The following KIF16B variants were observed in gnomAD, a reference collection of about 807,000 sequenced individuals.
The protein encoded by KIF16B is kinesin family member 16B.
KIF16B carries 98 observed loss-of-function variants against 156.3 expected under a neutral mutation model. The ratio of observed to expected loss-of-function variants is 0.63; its 90% CI spans 0.53 to 0.74. The LOEUF (loss-of-function observed/expected upper bound fraction) is 0.74. Ranked by LOEUF, KIF16B falls within the 30% of genes least tolerant of loss-of-function variation. The pLI, the probability that KIF16B is intolerant of heterozygous loss-of-function variation, is 0.00. For synonymous variants in KIF16B, 564 were observed against 583.7 expected (o/e 0.97, Z 0.49); for missense variants, 1,421 against 1,606.5 (o/e 0.88, Z 1.97).
intron 25 of KIF16B, among the ~76,000 whole-genome samples, chr20:16,281,579 A>C (rs957026073): frequency 6.6e-6 from 1 of 152,172 alleles, no homozygotes; most frequent in African/African-American, 2.4e-5. Context: ...CTTTTTAGGA[A>C]TCCTAAAGTT....
intron 23 of KIF16B, among the ~76,000 whole-genome samples, chr20:16,339,798 G>C (rs770160974): frequency 5.3e-5 from 8 of 152,124 alleles, no homozygotes; most frequent in Non-Finnish European, 8.8e-5. Flanking sequence ...AATAGAATGA[G>C]AAAATGGCCA....
At chr20:16,370,105 C>T (rs1600224925) in intron 22 of KIF16B, among the ~76,000 whole-genome samples, 1 of 152,138 alleles carries the variant, frequency 6.6e-6, no homozygotes, top group Non-Finnish European at 1.5e-5. Context: ...AGAGACATGC[C>T]TCTCAGTGGA....
intron 25 of KIF16B, among the ~76,000 whole-genome samples, chr20:16,308,492 C>T (rs1001437617): frequency 6.6e-6 from 1 of 152,204 alleles, no homozygotes; most frequent in Non-Finnish European, 1.5e-5. Context: ...TTAGAGTATG[C>T]TGATTAAAAG....
chr20:16,272,389 C>G lies in KIF16B; in HGVS notation c.*864G>C, dbSNP rs1181869020. The G allele has an allele frequency of 6.6e-6, 1 of 152,540 alleles. No individual in the cohort carries two copies. Among genetic ancestry groups the G allele is most frequent in the African/African-American group, 2.4e-5 (1 of 41,418 alleles). 9.4% of individuals were successfully genotyped at this position (152,540 alleles called of 1,614,324 possible). On this transcript the variant is annotated 3_prime_UTR_variant, in exon 26 of 26. Coordinates refer to ENST00000354981, the MANE Select transcript of KIF16B (RefSeq NM_024704.5). ...AGTAATTTAAGGTATCATTAATAAA[C>G]TGCTATAAATTCTAGTTTTCCAGCC...
intron 17 of KIF16B, among the ~76,000 whole-genome samples, chr20:16,404,251 G>T (rs992193697): frequency 3.3e-5 from 5 of 152,088 alleles, no homozygotes; most frequent in African/African-American, 1.2e-4. Flanking sequence ...CTGTTTTTAG[G>T]CATTTTCATT....
chr20:16,542,987 C>A (rs1039209969), intron 1 of KIF16B, among the ~76,000 whole-genome samples: 2 of 152,194 alleles, frequency 1.3e-5, no homozygotes, highest in Admixed American at 1.3e-4. Context: ...AATGGAGATG[C>A]ATCCAGATGA....
intron 24 of KIF16B, among the ~76,000 whole-genome samples, chr20:16,325,085 T>A (rs979386777): frequency 2.0e-5 from 3 of 152,000 alleles, no homozygotes. Flanking sequence ...GAAAAGGGAT[T>A]TGACAAAATC....
At chr20:16,303,818 G>A (rs1321877135) in intron 25 of KIF16B, among the ~76,000 whole-genome samples, 1 of 152,192 alleles carries the variant, frequency 6.6e-6, no homozygotes, top group Non-Finnish European at 1.5e-5. Context: ...GGGAAATCTG[G>A]TGGATGGCAT....
chr20:16,335,874 T>C, intron 24 of KIF16B, 52 bp downstream of exon 24: 1 of 1,147,568 alleles, frequency 8.7e-7, no homozygotes, highest in Non-Finnish European at 1.3e-6. Flanking sequence ...ATCAGCTCAT[T>C]TACTTTATAA....
chr20:16,504,031 G>A (rs961683331), intron 10 of KIF16B, among the ~76,000 whole-genome samples: 6 of 152,282 alleles, frequency 3.9e-5, no homozygotes, highest in African/African-American at 1.2e-4. Context: ...AAATGCATGG[G>A]TGAAATTTTA....
At chr20:16,276,205 G>A (rs903622142) in intron 25 of KIF16B, among the ~76,000 whole-genome samples, 2 of 152,138 alleles carry the variant, frequency 1.3e-5, no homozygotes, top group African/African-American at 4.8e-5. Context: ...ATCAGCATTT[G>A]TCATAATTAG....
chr20:16,514,470 ACAC>A (rs1485407445), intron 4 of KIF16B, among the ~76,000 whole-genome samples: 8 of 151,792 alleles, frequency 5.3e-5, no homozygotes, highest in Non-Finnish European at 1.0e-4. Context: ...AGCATTACAG[ACAC>A]CACATGTGTG....
intron 22 of KIF16B, chr20:16,367,358 T>C (rs1048750546): frequency 6.2e-7 from 1 of 1,612,906 alleles, no homozygotes; most frequent in South Asian, 1.1e-5. Flanking sequence ...AGTTCTACTG[T>C]TGACACATTT....
intron 1 of KIF16B, among the ~76,000 whole-genome samples, chr20:16,552,103 T>G (rs1372743741): frequency 6.6e-6 from 1 of 152,238 alleles, no homozygotes; most frequent in East Asian, 1.9e-4. Context: ...TTGTGATTAA[T>G]CATGCCTTTT....
At chr20:16,329,858 A>C (rs2063918364) in intron 24 of KIF16B, among the ~76,000 whole-genome samples, 1 of 152,254 alleles carries the variant, frequency 6.6e-6, no homozygotes, top group Non-Finnish European at 1.5e-5. Flanking sequence ...TGAGTAATGC[A>C]GCACCTCCAG....
At chr20:16,435,122 TA>T (rs1468010810) in intron 12 of KIF16B, among the ~76,000 whole-genome samples, 1 of 152,228 alleles carries the variant, frequency 6.6e-6, no homozygotes, top group African/African-American at 2.4e-5. Flanking sequence ...AGGTATTTCC[TA>T]AAATATCCTT....
intron 23 of KIF16B, among the ~76,000 whole-genome samples, chr20:16,355,129 G>T (rs183339978): frequency 6.6e-6 from 1 of 152,160 alleles, no homozygotes; most frequent in East Asian, 1.9e-4. Flanking sequence ...CCTCAGGAAG[G>T]TTGAAAGAAT....
At chr20:16,295,934 T>C (rs6514670) in intron 25 of KIF16B, among the ~76,000 whole-genome samples, 2 of 152,052 alleles carry the variant, frequency 1.3e-5, no homozygotes, top group South Asian at 4.1e-4. Context: ...CAATGTTTTT[T>C]CTACCACCAG....
intron 25 of KIF16B, among the ~76,000 whole-genome samples, chr20:16,305,908 C>T (rs2063534436): frequency 6.6e-6 from 1 of 152,124 alleles, no homozygotes; most frequent in African/African-American, 2.4e-5. Context: ...TATCCATTCA[C>T]CCATTAATGG....
Sources: gnomAD v4.1 joint callset for allele counts (sites outside exome capture counted in the v4.1 genomes callset) on GRCh38, gnomAD v4.1.1 for gene constraint, MANE v1.5 for transcripts, NCBI Gene and HGNC (gene_info 2026-07-23, HGNC 2026-07-21) for gene names.